The following POR variants were observed in gnomAD, a reference collection of about 807,000 sequenced individuals.
POR encodes the protein cytochrome p450 oxidoreductase.
A neutral mutation model predicts 84.0 loss-of-function variants in POR; 56 were observed. The ratio of observed to expected loss-of-function variants is 0.67; its 90% confidence interval spans 0.54 to 0.83. POR has a LOEUF of 0.83. Among genes scored for constraint, POR ranks in the 40% least tolerant of loss-of-function variants. POR has a pLI of 0.00. For synonymous variants in POR, 414 were observed against 400.5 expected, an observed-to-expected ratio of 1.03 and a Z score of -0.40; for missense variants, 938 against 944.3, an observed-to-expected ratio of 0.99 and a Z score of 0.09.
chr7:75,932,234 G>T (rs1243149867), intron 1 of POR, among the ~76,000 whole-genome samples: 1 of 150,250 alleles, frequency 6.7e-6, no homozygotes, highest in Admixed American at 6.6e-5. Context: ...AGGCTGGAGT[G>T]CAGTGGTGCA....
Position 75,985,629 on chromosome 7 carries a change from C to G in POR, c.1449C>G (p.Thr483=), listed in dbSNP as rs1452909538. The G allele has an allele frequency of 3.8e-6, 6 of 1,591,682 alleles. No individual in the cohort carries two copies. In the African/African-American group the frequency reaches 8.0e-5, roughly 21 times the overall value. Reference sequence around the variant, plus strand: ...GTGCGGTGGTTGTGGAGTACGAGACCAAGGCTGGCCGCATCAACAAGGGCG... The same window carrying G: ...GTGCGGTGGTTGTGGAGTACGAGACGAAGGCTGGCCGCATCAACAAGGGCG... Residue 483 remains threonine (T), a synonymous_variant, in exon 13 of 16, where the codon ACC becomes ACG. Coordinates refer to ENST00000461988, the MANE Select transcript of POR (RefSeq NM_000941.3).
chr7:75,920,991 T>C (rs1554548761), intron 1 of POR, among the ~76,000 whole-genome samples: 1 of 152,160 alleles, frequency 6.6e-6, no homozygotes, highest in Admixed American at 6.5e-5. Context: ...TCAGACCCTT[T>C]GACTGCTCAT....
chr7:75,953,954 C>T lies in POR; in HGVS notation c.-4-35C>T, dbSNP rs72553986. 15 of 1,512,208 alleles carry T rather than the reference C, an allele frequency of 9.9e-6. No individual in the cohort carries two copies. In the South Asian group the frequency reaches 1.5e-4, roughly 15 times the overall value. The allele number at this position is 1,512,208 out of a possible 1,614,324, so 93.7% of individuals were successfully genotyped here. Reference sequence around the variant, plus strand: ...CCAGCCTCAGGGGCACCCTGCTACCCTCTGCTGACATCTGCTGTTTCTGTC... The same window carrying T: ...CCAGCCTCAGGGGCACCCTGCTACCTTCTGCTGACATCTGCTGTTTCTGTC... On this transcript the variant is annotated intron_variant, in intron 1 of 15. Coordinates refer to ENST00000461988, the MANE Select transcript of POR (RefSeq NM_000941.3).
At chr7:75,964,517 A>G (rs890150830) in intron 2 of POR, among the ~76,000 whole-genome samples, 15 of 151,626 alleles carry the variant, frequency 9.9e-5, no homozygotes, top group African/African-American at 3.6e-4. Context: ...CATATTGGCC[A>G]GGCTGATCTC....
At position 75,965,098 on chromosome 7, in the gene POR, C is replaced by T. The variant is rs114228927; in HGVS notation, c.189-7315C>T. On this transcript the variant is annotated intron_variant, in intron 2 of 15. Transcript: ENST00000461988. ...AGCTGGGGAAGCCTGTGTAGGATGG[C>T]GGTGTCTGGAGAGCGGTGGCCCCAT... is the stretch of plus-strand genomic sequence containing the variant. 8.7e-3 allele frequency among the ~76,000 whole-genome samples: 1,318 copies of T among 152,116 alleles called. 20 individuals carry two copies. The highest frequency in any genetic ancestry group is 0.03 in the African/African-American group (1,248 of 41,498).
intron 1 of POR, chr7:75,922,814 A>C (rs782613956): frequency 2.6e-5 from 13 of 496,288 alleles, no homozygotes; most frequent in Non-Finnish European, 4.7e-5. Flanking sequence ...TGAAAGCAGA[A>C]GGCTTATCAA....
intron 3 of POR, among the ~76,000 whole-genome samples, chr7:75,973,035 C>G (rs1197104462): frequency 1.3e-5 from 2 of 152,114 alleles, no homozygotes; most frequent in Non-Finnish European, 1.5e-5. Flanking sequence ...GTTGGCCAGA[C>G]TGGTCTTGAA....
At chr7:75,934,276 A>G (rs1807566210) in intron 1 of POR, among the ~76,000 whole-genome samples, 1 of 151,766 alleles carries the variant, frequency 6.6e-6, no homozygotes, top group Non-Finnish European at 1.5e-5. Context: ...GGTTTGTATA[A>G]TTCCCTTATA....
intron 1 of POR, among the ~76,000 whole-genome samples, chr7:75,935,650 TG>T (rs1807639498): frequency 6.6e-6 from 1 of 151,240 alleles, no homozygotes; most frequent in Admixed American, 6.6e-5. Context: ...TGTGTGTGTG[TG>T]TGTGTGTGTG....
intron 2 of POR, among the ~76,000 whole-genome samples, chr7:75,963,326 C>T (rs1279132293): frequency 6.6e-6 from 1 of 152,168 alleles, no homozygotes; most frequent in Non-Finnish European, 1.5e-5. Flanking sequence ...GTGGGAACGG[C>T]GAGGACATGG....
At chr7:75,954,295 G>A (rs1787585736) in intron 2 of POR, 115 bp downstream of exon 2, 6 of 1,131,118 alleles carry the variant, frequency 5.3e-6, no homozygotes, top group South Asian at 1.5e-5. Flanking sequence ...GCATTTTGGG[G>A]TGACTCTTGG....
chr7:75,957,229 C>T (rs41295408), intron 2 of POR, among the ~76,000 whole-genome samples: 2 of 152,128 alleles, frequency 1.3e-5, no homozygotes, highest in African/African-American at 4.8e-5. Flanking sequence ...GGGGATCAGA[C>T]CAAGTCCTGC....
chr7:75,956,288 G>C (rs782416012), intron 2 of POR, among the ~76,000 whole-genome samples: 1 of 152,064 alleles, frequency 6.6e-6, no homozygotes, highest in Non-Finnish European at 1.5e-5. Context: ...GACAGAGTCC[G>C]TCTCAAAAAC....
chr7:75,965,807 C>T (rs41296485), intron 2 of POR, among the ~76,000 whole-genome samples: 1,665 of 152,238 alleles, frequency 0.011, 28 homozygotes, highest in African/African-American at 0.038. Flanking sequence ...TGCTGGAGGA[C>T]ATGGTCGGGG....
intron 3 of POR, among the ~76,000 whole-genome samples, chr7:75,976,725 C>T (rs576905252): frequency 6.6e-6 from 1 of 150,768 alleles, no homozygotes; most frequent in South Asian, 2.1e-4. Context: ...CCAGCCTAGG[C>T]GACAAGAGCA....
intron 1 of POR, among the ~76,000 whole-genome samples, chr7:75,947,834 G>A (rs1244115655): frequency 6.6e-6 from 1 of 151,962 alleles, no homozygotes; most frequent in African/African-American, 2.4e-5. Context: ...GGGCAGGACC[G>A]CAGAGGTGCA....
chr7:75,966,900 C>T (rs1417302271), intron 2 of POR, among the ~76,000 whole-genome samples: 1 of 152,162 alleles, frequency 6.6e-6, no homozygotes, highest in Admixed American at 6.5e-5. Flanking sequence ...GTTCTGGAGC[C>T]ACGTGGTCTG....
intron 1 of POR, among the ~76,000 whole-genome samples, chr7:75,937,300 A>C (rs35167119): frequency 0.24 from 36,282 of 148,296 alleles, 5,409 homozygotes; most frequent in Middle Eastern, 0.37. Context: ...ACAAAAAAAA[A>C]AAAAAAACAA....
chr7:75,983,297 C>T (rs1439978525), intron 8 of POR: 6 of 497,900 alleles, frequency 1.2e-5, no homozygotes, highest in East Asian at 3.4e-5. Flanking sequence ...GCCGAGATCG[C>T]GCCGCTGCAC....
Sources: gnomAD v4.1 joint callset for allele counts (sites outside exome capture counted in the v4.1 genomes callset) on GRCh38, gnomAD v4.1.1 for gene constraint, MANE v1.5 for transcripts, NCBI Gene and HGNC (gene_info 2026-07-23, HGNC 2026-07-21) for gene names.